Variants in CSMD2 observed in about 807,000 individuals in gnomAD.
CSMD2 encodes the protein CUB and Sushi multiple domains 2.
CSMD2 carries 130 observed loss-of-function variants against 398.5 expected under a neutral mutation model. The observed-to-expected ratio is 0.33, with a 90% confidence interval of 0.28 to 0.38. CSMD2 has a LOEUF of 0.38. Ranked by LOEUF, CSMD2 falls within the 10% of genes least tolerant of loss-of-function variation. The probability of loss-of-function intolerance (pLI) is 1.00; values close to 1 mark genes in which losing one functional copy is unlikely to be tolerated. For missense variants in CSMD2, 3,829 were observed against 4,764.9 expected, an observed-to-expected ratio of 0.80 and a Z score of 5.78; for synonymous variants, 1,828 against 1,908.5, an observed-to-expected ratio of 0.96 and a Z score of 1.10.
Position 33,820,567 on chromosome 1 carries a change from A to C in CSMD2, c.1112-11T>G. ...CACCAACCTGAGTTACTACAAGGCAAAAAAAAAAAAAAAAAAAAAAACAGC... is the reference window on the plus strand; with the variant it reads ...CACCAACCTGAGTTACTACAAGGCACAAAAAAAAAAAAAAAAAAAAACAGC... On this transcript the variant is annotated splice_polypyrimidine_tract_variant and intron_variant, in intron 7 of 70. Coordinates refer to ENST00000373381, the MANE Select transcript of CSMD2 (RefSeq NM_001281956.2). The C allele has an allele frequency of 3.5e-6, 1 of 287,428 alleles. No homozygotes were observed. The highest frequency in any genetic ancestry group is 5.2e-6 in the Non-Finnish European group (1 of 190,752). 17.8% of individuals were successfully genotyped at this position (287,428 alleles called of 1,614,324 possible).
chr1:33,960,817 C>T (rs768626152), intron 3 of CSMD2, among the ~76,000 whole-genome samples: 2 of 152,172 alleles, frequency 1.3e-5, no homozygotes, highest in African/African-American at 4.8e-5. Flanking sequence ...CTTTAGAAAG[C>T]GCCCACTGAT....
intron 3 of CSMD2, among the ~76,000 whole-genome samples, chr1:34,022,894 C>T (rs1649109191): frequency 6.6e-6 from 1 of 152,072 alleles, no homozygotes; most frequent in African/African-American, 2.4e-5. Context: ...TGCAGTGGCG[C>T]AATCACAGCT....
In CSMD2 at chr1:33,625,064, C is replaced by T. The variant is rs565794662; in HGVS notation, c.5487G>A (p.Ala1829=). Residue 1829 remains alanine (A), a synonymous_variant, in exon 34 of 71, where the codon GCG becomes GCA. Transcript: ENST00000373381. The part of the protein sequence containing the change: ...PGALAQWNVS[A]PTCVVPCGGN... ...CTGGTTACTCACCCACACACGTGGG[C>T]GCTGAGACATTCCATTGGGCCAAGG... is the stretch of plus-strand genomic sequence containing the variant. 83 of 1,613,890 alleles carry T rather than the reference C, an allele frequency of 5.1e-5. No homozygotes were observed. The highest frequency in any genetic ancestry group is 6.4e-5 in the Non-Finnish European group (76 of 1,179,994).
chr1:34,045,464 A>G (rs1570925378), intron 2 of CSMD2, among the ~76,000 whole-genome samples: 1 of 152,026 alleles, frequency 6.6e-6, no homozygotes, highest in South Asian at 2.1e-4. Context: ...TGCTGAAAAA[A>G]CCCAACTTAT....
intron 22 of CSMD2, 110 bp downstream of exon 22, chr1:33,708,971 TTTTGGGAC>T (rs1645896922): frequency 2.3e-6 from 2 of 871,056 alleles, no homozygotes; most frequent in Admixed American, 2.6e-5. Context: ...GAGGACAGTA[TTTTGGGAC>T]TCAGGAAGGA....
In CSMD2 at chr1:33,544,582, A is replaced by G. The variant is rs570404225; in HGVS notation, c.9100+1455T>C. Among the ~76,000 whole-genome samples the G allele has an allele frequency of 1.1e-3, 160 of 152,190 alleles. 1 individual carries two copies. Among genetic ancestry groups the G allele is most frequent in the African/African-American group, 3.7e-3 (153 of 41,518 alleles). ...GACTTTTAGAGTTAGAGCTGTGAAAATAACTTCTTAAATTGAAAATACATG... is the reference window on the plus strand; with the variant it reads ...GACTTTTAGAGTTAGAGCTGTGAAAGTAACTTCTTAAATTGAAAATACATG... On this transcript the variant is annotated intron_variant, in intron 57 of 70. Coordinates refer to ENST00000373381, the MANE Select transcript of CSMD2 (RefSeq NM_001281956.2).
intron 10 of CSMD2, among the ~76,000 whole-genome samples, chr1:33,806,415 C>T (rs1656235935): frequency 6.6e-6 from 1 of 152,162 alleles, no homozygotes; most frequent in South Asian, 2.1e-4. Context: ...CAGCACTAGG[C>T]AGAAGCAGAT....
chr1:34,010,649 C>T (rs998165660), intron 3 of CSMD2, among the ~76,000 whole-genome samples: 3 of 151,434 alleles, frequency 2.0e-5, no homozygotes, highest in South Asian at 2.1e-4. Context: ...GACGGAGTCT[C>T]GCTCTGTAAC....
chr1:34,021,770 A>C (rs981917697), intron 3 of CSMD2, among the ~76,000 whole-genome samples: 1 of 152,210 alleles, frequency 6.6e-6, no homozygotes, highest in Non-Finnish European at 1.5e-5. Flanking sequence ...AAAAGGAGGA[A>C]TCCTGACCAT....
At chr1:33,868,683 C>T (rs1277347843) in intron 5 of CSMD2, among the ~76,000 whole-genome samples, 1 of 152,152 alleles carries the variant, frequency 6.6e-6, no homozygotes, top group Non-Finnish European at 1.5e-5. Flanking sequence ...TTGCAGCGAG[C>T]CCAGATTGCA....
chr1:34,108,284 A>G (rs79844617), intron 1 of CSMD2, among the ~76,000 whole-genome samples: 2 of 149,470 alleles, frequency 1.3e-5, no homozygotes, highest in African/African-American at 5.1e-5. Flanking sequence ...AGAGAGAGAG[A>G]AAAAAAAACC....
intron 21 of CSMD2, among the ~76,000 whole-genome samples, chr1:33,712,452 G>C (rs886219380): frequency 6.6e-6 from 1 of 152,214 alleles, no homozygotes; most frequent in Non-Finnish European, 1.5e-5. Flanking sequence ...AGCAGCCCCC[G>C]GTGGGCATTC....
At chr1:33,861,429 A>G (rs1367360155) in intron 5 of CSMD2, 2 of 152,120 alleles carry the variant, frequency 1.3e-5, no homozygotes, top group African/African-American at 4.8e-5. Context: ...CATATTTACT[A>G]CCTGGCCCTC....
chr1:33,731,616 C>T (rs975140743), intron 15 of CSMD2, among the ~76,000 whole-genome samples: 8 of 151,928 alleles, frequency 5.3e-5, no homozygotes, highest in East Asian at 1.9e-4. Context: ...ATAAATGACC[C>T]GACTTCTGCA....
At chr1:34,158,419 C>T (rs898158118) in intron 1 of CSMD2, among the ~76,000 whole-genome samples, 1 of 152,152 alleles carries the variant, frequency 6.6e-6, no homozygotes, top group East Asian at 1.9e-4. Flanking sequence ...GGAGATAAAT[C>T]CAGGGAGGGC....
intron 25 of CSMD2, among the ~76,000 whole-genome samples, chr1:33,673,956 G>A (rs867040213): frequency 1.5e-4 from 23 of 152,294 alleles, no homozygotes; most frequent in African/African-American, 5.1e-4. Flanking sequence ...AGCTCCTGAA[G>A]GAAGCACTAA....
chr1:33,595,427 G>A (rs550511832), intron 44 of CSMD2, among the ~76,000 whole-genome samples: 9 of 152,230 alleles, frequency 5.9e-5, no homozygotes, highest in South Asian at 4.2e-4. Flanking sequence ...TGAGGTGGGC[G>A]TGTCTTCCAG....
rs1653590831 is a variant in CSMD2 at position 33,514,465 on chromosome 1, G to A, written c.*2159C>T. The A allele has an allele frequency of 6.6e-6, 1 of 151,596 alleles. No individual in the cohort carries two copies. Among genetic ancestry groups the A allele is most frequent in the East Asian group, 2.0e-4 (1 of 5,120 alleles). The allele number at this position is 151,596 out of a possible 1,614,324, so 9.4% of individuals were successfully genotyped here. A position where few individuals can be genotyped will look rare whatever the true frequency, so the allele number is the denominator to read the frequency against. On this transcript the variant is annotated 3_prime_UTR_variant, in exon 71 of 71. Transcript: ENST00000373381. ...GTTCCCTTCCAAGCCTCTGGAGGTG[G>A]AGAGAAATGTCAGGGGTGCGGAGGG...
chr1:33,902,104 C>T (rs1208059402), intron 5 of CSMD2, among the ~76,000 whole-genome samples: 1 of 152,144 alleles, frequency 6.6e-6, no homozygotes, highest in Non-Finnish European at 1.5e-5. Flanking sequence ...TGCATTCTTC[C>T]AAAGAGCATT....
Sources: allele counts gnomAD v4.1 joint callset (sites outside exome capture counted in the v4.1 genomes callset), GRCh38; gene constraint gnomAD v4.1.1; transcripts MANE v1.5; gene names NCBI Gene and HGNC (gene_info 2026-07-23, HGNC 2026-07-21).